DPH6: variants seen among roughly 807,000 people sequenced by gnomAD.
DPH6 encodes diphthamine biosynthesis 6.
In DPH6, 33 loss-of-function variants were observed where a neutral mutation model predicts 38.2. The observed-to-expected ratio is 0.86, with a 90% CI of 0.65 to 1.15. DPH6 has a LOEUF of 1.15. DPH6 is among the 50% of genes most tolerant of loss of function. The pLI, the probability that DPH6 is intolerant of heterozygous loss-of-function variation, is 0.00. For missense variants in DPH6, 325 were observed against 320.0 expected, an observed-to-expected ratio of 1.02 and a Z score of -0.12; for synonymous variants, 108 against 103.0, an observed-to-expected ratio of 1.05 and a Z score of -0.30.
chr15:35,532,833 G>A (rs963362316), intron 3 of DPH6, among the ~76,000 whole-genome samples: 6 of 152,122 alleles, frequency 3.9e-5, no homozygotes, highest in Non-Finnish European at 7.4e-5. Context: ...GCTGGGCACG[G>A]TGGCTCACAC....
chr15:35,422,402 C>T (rs1003835832), intron 5 of DPH6, among the ~76,000 whole-genome samples: 8 of 151,930 alleles, frequency 5.3e-5, no homozygotes, highest in Non-Finnish European at 1.0e-4. Context: ...CTGGTCTGGT[C>T]ATTTTCTTTC....
At chr15:35,422,710 C>T (rs939724826) in intron 5 of DPH6, among the ~76,000 whole-genome samples, 2 of 151,882 alleles carry the variant, frequency 1.3e-5, no homozygotes, top group East Asian at 3.9e-4. Flanking sequence ...CCTTAATCAA[C>T]ATCTTCCCAA....
chr15:35,217,661 C>G (rs750285293), exon 4 of DPH6: 1 of 152,222 alleles, frequency 6.6e-6, no homozygotes, highest in Non-Finnish European at 1.5e-5. Context: ...CACCAATGTC[C>G]TTATTAATGT....
the DPH6 span, among the ~76,000 whole-genome samples, chr15:35,212,073 G>A: frequency 6.6e-6 from 1 of 152,164 alleles, no homozygotes; most frequent in Non-Finnish European, 1.5e-5. Flanking sequence ...TTTGAAATAT[G>A]GACGAAGATA....
intron 3 of DPH6, among the ~76,000 whole-genome samples, chr15:35,342,922 ATCAGTTCAAAGCTAT>A (rs2052433192): frequency 6.6e-6 from 1 of 152,184 alleles, no homozygotes; most frequent in Non-Finnish European, 1.5e-5. Flanking sequence ...TTTAATAACG[ATCAGTTCAAAGCTAT>A]TCTTTCTCAT....
intron 6 of DPH6, chr15:35,401,286 G>A (rs756617674): frequency 5.6e-6 from 5 of 892,890 alleles, no homozygotes; most frequent in Admixed American, 3.4e-5. Flanking sequence ...GTTTCGGTGG[G>A]AATGACAACT....
rs139277015 is a variant in DPH6 at position 35,292,103 on chromosome 15, C to T, written n.201-71521G>A. 2.8e-3 allele frequency among the ~76,000 whole-genome samples: 425 copies of T among 152,182 alleles called. 1 individual carries two copies. The highest frequency in any genetic ancestry group is 9.7e-3 in the African/African-American group (401 of 41,550). On this transcript the variant is annotated intron_variant and non_coding_transcript_variant, in intron 3 of 3. Transcript: ENST00000560386. ...AGGAGAAGTAGTGTAAAAAAATTAT[C>T]AATACAAATATCTAAATGTTCATGT...
At chr15:35,355,186 T>C (rs899638761) in intron 3 of DPH6, among the ~76,000 whole-genome samples, 3 of 152,168 alleles carry the variant, frequency 2.0e-5, no homozygotes, top group South Asian at 4.1e-4. Flanking sequence ...TGTCTCTGCA[T>C]GTGAGATGGG....
chr15:35,369,763 G>T (rs890069100), downstream of DPH6, among the ~76,000 whole-genome samples: 2 of 151,816 alleles, frequency 1.3e-5, no homozygotes, highest in African/African-American at 2.4e-5. Context: ...GATATTGCAT[G>T]TTCATGGATA....
At chr15:35,454,867 T>C in intron 3 of DPH6, 47 bp from the exon 4 acceptor site, 1 of 1,366,566 alleles carries the variant, frequency 7.3e-7, no homozygotes. Flanking sequence ...AAGTAACAAA[T>C]GGCTCCACAT....
chr15:35,457,398 A>G (rs2054010984), intron 3 of DPH6, among the ~76,000 whole-genome samples: 1 of 151,712 alleles, frequency 6.6e-6, no homozygotes, highest in African/African-American at 2.4e-5. Context: ...GGTTCAAGTG[A>G]TTCTTGTGCC....
intron 3 of DPH6, among the ~76,000 whole-genome samples, chr15:35,290,679 A>G (rs2051974341): frequency 6.6e-6 from 1 of 152,150 alleles, no homozygotes; most frequent in Non-Finnish European, 1.5e-5. Context: ...ACAACAGTAA[A>G]AGCATTGCTA....
chr15:35,469,026 C>A (rs572937911), intron 3 of DPH6, among the ~76,000 whole-genome samples: 9 of 152,132 alleles, frequency 5.9e-5, no homozygotes, highest in Non-Finnish European at 1.2e-4. Flanking sequence ...CAAGACCCAA[C>A]ACCATTGCAC....
chr15:35,353,758 T>C (rs1175116909), intron 3 of DPH6, among the ~76,000 whole-genome samples: 3 of 152,308 alleles, frequency 2.0e-5, no homozygotes, highest in African/African-American at 7.2e-5. Context: ...GACTTGGTGA[T>C]GCAGGCTCTT....
chr15:35,376,292 T>C (rs2052779625), intron 7 of DPH6, among the ~76,000 whole-genome samples: 1 of 152,172 alleles, frequency 6.6e-6, no homozygotes, highest in African/African-American at 2.4e-5. Flanking sequence ...TTGTTAAGTA[T>C]CCTCACAATT....
At chr15:35,408,819 A>G (rs936558934) in intron 6 of DPH6, among the ~76,000 whole-genome samples, 3 of 152,016 alleles carry the variant, frequency 2.0e-5, no homozygotes, top group African/African-American at 7.2e-5. Flanking sequence ...ATGAGAAGAC[A>G]GATTCCAGGT....
At chr15:35,545,127 C>T (rs2055325586) in intron 1 of DPH6, among the ~76,000 whole-genome samples, 1 of 152,186 alleles carries the variant, frequency 6.6e-6, no homozygotes, top group African/African-American at 2.4e-5. Flanking sequence ...ACCTAAGGGA[C>T]TTAACGAAAA....
rs2055201891 is a variant in DPH6, at chr15:35,538,303, C to T, written c.283G>A (p.Asp95Asn). The T allele has an allele frequency of 3.1e-6, 5 of 1,591,328 alleles. No homozygotes were observed. Among genetic ancestry groups the T allele is most frequent in the Non-Finnish European group, 4.3e-6 (5 of 1,162,526 alleles). Residue 95 changes from aspartate (D) to asparagine (N), a missense_variant, in exon 3 of 9, where the codon GAT becomes AAT. Physicochemically the swap from Asp to Asn is conservative, Grantham distance 23. Coordinates refer to ENST00000256538, the MANE Select transcript of DPH6 (RefSeq NM_080650.4). Reference protein sequence around the residue: ...YTKCEGDEVEDLYELLKLVKE... With the variant: ...YTKCEGDEVENLYELLKLVKE... ...ACAAGTTTCAAAAGCTCATAGAGAT[C>T]TTCAACCTCATCACCTTCACATTTG...
intron 3 of DPH6, among the ~76,000 whole-genome samples, chr15:35,515,700 G>A (rs1415983828): frequency 3.2e-5 from 4 of 126,616 alleles, no homozygotes; most frequent in East Asian, 5.3e-4. Flanking sequence ...TGGCCTGGGC[G>A]TCAGAGCGAG....
Sources: gnomAD v4.1 joint callset for allele counts (sites outside exome capture counted in the v4.1 genomes callset) on GRCh38, gnomAD v4.1.1 for gene constraint, MANE v1.5 for transcripts, NCBI Gene and HGNC (gene_info 2026-07-23, HGNC 2026-07-21) for gene names.